DNAH7: variants seen among roughly 807,000 people sequenced by gnomAD.
DNAH7 encodes dynein axonemal heavy chain 7.
Under a neutral mutation model 444.6 loss-of-function variants are expected in DNAH7, and 397 were observed. The observed-to-expected ratio is 0.89, with a 90% CI of 0.82 to 0.97. The LOEUF (loss-of-function observed/expected upper bound fraction) is 0.97. DNAH7 is among the 50% of genes least tolerant of loss of function. The pLI, the probability that DNAH7 is intolerant of heterozygous loss-of-function variation, is 0.00. For missense variants in DNAH7, 4,902 were observed against 4,800.8 expected (o/e 1.02, Z -0.62); for synonymous variants, 1,636 against 1,624.4 (o/e 1.01, Z -0.17).
chr2:195,973,357 G>C (rs1186142919), intron 15 of DNAH7, among the ~76,000 whole-genome samples: 1 of 152,174 alleles, frequency 6.6e-6, no homozygotes, highest in Non-Finnish European at 1.5e-5. Flanking sequence ...GGTGGGTATT[G>C]GGCGCGTGGG....
chr2:195,882,323 A>G (rs530862547), intron 35 of DNAH7, among the ~76,000 whole-genome samples: 8 of 152,356 alleles, frequency 5.3e-5, no homozygotes, highest in Admixed American at 3.3e-4. Context: ...CCAATAGGCT[A>G]AAGAGTAAAG....
chr2:195,738,096 A>G lies in DNAH7; in HGVS notation c.11900T>C (p.Ile3967Thr), dbSNP rs757932879. Residue 3967 changes from isoleucine to threonine, a missense_variant, in exon 65 of 65, where the codon ATA becomes ACA. Ile to Thr is a moderately conservative substitution (Grantham distance 89, BLOSUM62 -1). Coordinates refer to ENST00000312428, the MANE Select transcript of DNAH7 (RefSeq NM_018897.3). ...AGCAACATAACTTGGCCGTTTTGGTATATCTGCCCTCTTACAGGGCTTTAG... is the reference window on the plus strand; with the variant it reads ...AGCAACATAACTTGGCCGTTTTGGTGTATCTGCCCTCTTACAGGGCTTTAG... ...MWLKPCKRAD[I>T]PKRPSYVAPL... is the part of the protein sequence containing the mutation. 3.7e-6 allele frequency: 6 copies of G among 1,613,798 alleles called. No homozygotes were observed. In the Admixed American group the frequency reaches 5.0e-5, roughly 13 times the overall value.
At chr2:195,765,112 A>G (rs1294707731) in intron 61 of DNAH7, among the ~76,000 whole-genome samples, 1 of 152,146 alleles carries the variant, frequency 6.6e-6, no homozygotes, top group Non-Finnish European at 1.5e-5. Context: ...TTTTTGACAA[A>G]GTTGCCAAGA....
At chr2:195,906,500 AG>A (rs1365530100) in intron 27 of DNAH7, among the ~76,000 whole-genome samples, 158 bp downstream of exon 27, 2 of 136,160 alleles carry the variant, frequency 1.5e-5, no homozygotes, top group Admixed American at 1.6e-4. Context: ...CACTATGCCC[AG>A]GCTGGTCTCA....
chr2:195,983,839 T>C (rs1473001219), intron 15 of DNAH7, among the ~76,000 whole-genome samples: 1 of 152,206 alleles, frequency 6.6e-6, no homozygotes, highest in Non-Finnish European at 1.5e-5. Flanking sequence ...ACTTAAGGCT[T>C]AAATATTTGT....
intron 24 of DNAH7, among the ~76,000 whole-genome samples, chr2:195,918,039 A>G (rs1687794534): frequency 6.6e-6 from 1 of 152,258 alleles, no homozygotes; most frequent in African/African-American, 2.4e-5. Flanking sequence ...AACACGTATC[A>G]GATAAAAGAC....
At chr2:195,933,749 T>C (rs1200068829) in intron 21 of DNAH7, among the ~76,000 whole-genome samples, 6 of 45,460 alleles carry the variant, frequency 1.3e-4, no homozygotes, top group African/African-American at 5.6e-4. Context: ...GGGCCTGTTG[T>C]GGGGTGGGGG....
intron 40 of DNAH7, among the ~76,000 whole-genome samples, chr2:195,867,127 A>C (rs1008355448): frequency 2.0e-5 from 3 of 152,190 alleles, no homozygotes; most frequent in Non-Finnish European, 4.4e-5. Context: ...CAGGTACAAC[A>C]ATCTTAAGTG....
chr2:196,012,687 A>G, intron 10 of DNAH7, 100 bp downstream of exon 10: 1 of 1,224,792 alleles, frequency 8.2e-7, no homozygotes, highest in Non-Finnish European at 1.1e-6. Context: ...GAAATGATTT[A>G]AAACATTAAA....
chr2:195,836,418 C>T (rs1250465759), intron 47 of DNAH7, among the ~76,000 whole-genome samples: 2 of 151,284 alleles, frequency 1.3e-5, no homozygotes, highest in Non-Finnish European at 2.9e-5. Context: ...GACTGAGGTG[C>T]GAGGATCACT....
At chr2:196,062,302 C>T (rs962863215) in intron 1 of DNAH7, among the ~76,000 whole-genome samples, 1 of 152,108 alleles carries the variant, frequency 6.6e-6, no homozygotes, top group African/African-American at 2.4e-5. Context: ...CAACTACACC[C>T]TATCAAATAC....
chr2:195,828,879 T>C (rs1697923893), intron 48 of DNAH7, among the ~76,000 whole-genome samples: 2 of 152,120 alleles, frequency 1.3e-5, no homozygotes, highest in South Asian at 4.1e-4. Context: ...ATATTAGGGT[T>C]CATTCCAGAG....
At chr2:195,850,405 A>C (rs1405653373) in intron 46 of DNAH7, among the ~76,000 whole-genome samples, 1 of 152,176 alleles carries the variant, frequency 6.6e-6, no homozygotes, top group Non-Finnish European at 1.5e-5. Context: ...TTATTGGCAG[A>C]TAAAGGTCAA....
At chr2:196,047,603 T>C in intron 4 of DNAH7, 104 bp from the exon 5 acceptor site, 1 of 1,047,976 alleles carries the variant, frequency 9.5e-7, no homozygotes, top group East Asian at 2.8e-5. Context: ...TAATAAAAAA[T>C]TACATTATCA....
intron 48 of DNAH7, among the ~76,000 whole-genome samples, chr2:195,830,005 A>T (rs1697984286): frequency 6.6e-6 from 1 of 152,114 alleles, no homozygotes; most frequent in Non-Finnish European, 1.5e-5. Context: ...GTATAGGTAC[A>T]TGAATTACCC....
At chr2:195,987,914 T>C (rs143861240) in intron 13 of DNAH7, 43 bp downstream of exon 13, 2 of 1,517,270 alleles carry the variant, frequency 1.3e-6, no homozygotes, top group Admixed American at 2.1e-5. Flanking sequence ...GGGGAAAAGA[T>C]ACCAGATAGA....
Position 196,024,467 on chromosome 2 carries a change from A to G in DNAH7, c.705T>C (p.Asp235=), listed in dbSNP as rs1695560425. 3 of 1,584,694 alleles carry G rather than the reference A, an allele frequency of 1.9e-6. No homozygotes were observed. Among genetic ancestry groups the G allele is most frequent in the Middle Eastern group, 1.7e-4 (1 of 5,942 alleles). Reference sequence around the variant, plus strand: ...CTGGAAGTTCATCTGTCTTCTTATCATCTCCTTTCTCTCGAGGATCTTTTA... The same window carrying G: ...CTGGAAGTTCATCTGTCTTCTTATCGTCTCCTTTCTCTCGAGGATCTTTTA... ...FVLKDPREKG[D]DKKTDELPAH... The change falls in exon 8 of 65, where the codon GAT becomes GAC. Residue 235 remains aspartate, a synonymous_variant. Transcript: ENST00000312428.
chr2:195,992,691 T>C (rs1409847018), intron 12 of DNAH7, among the ~76,000 whole-genome samples: 1 of 152,166 alleles, frequency 6.6e-6, no homozygotes, highest in Non-Finnish European at 1.5e-5. Context: ...ATCCAAAAAA[T>C]GGATTGAAGG....
intron 48 of DNAH7, among the ~76,000 whole-genome samples, chr2:195,824,704 A>G (rs1697635161): frequency 6.6e-6 from 1 of 152,136 alleles, no homozygotes; most frequent in Admixed American, 6.6e-5. Context: ...TGCTGGGTGC[A>G]TGCTGCCTGG....
Sources: allele counts gnomAD v4.1 joint callset (sites outside exome capture counted in the v4.1 genomes callset), GRCh38; gene constraint gnomAD v4.1.1; transcripts MANE v1.5; gene names NCBI Gene and HGNC (gene_info 2026-07-23, HGNC 2026-07-21).